DNAH8: variants seen among roughly 807,000 people sequenced by gnomAD.
DNAH8 encodes the protein axonemal beta dynein heavy chain 8.
DNAH8 carries 382 observed loss-of-function variants against 562.1 expected under a neutral mutation model. The ratio of observed to expected loss-of-function variants is 0.68; its 90% CI spans 0.63 to 0.74. The LOEUF is 0.74. DNAH8 is among the 30% of genes least tolerant of loss of function. DNAH8 has a pLI of 0.00. For synonymous variants in DNAH8, 1,881 were observed against 1,919.4 expected (o/e 0.98, Z 0.52); for missense variants, 5,203 against 5,620.4 (o/e 0.93, Z 2.37).
chr6:38,738,909 T>G (rs148085136), intron 7 of DNAH8, among the ~76,000 whole-genome samples: 1 of 152,230 alleles, frequency 6.6e-6, no homozygotes, highest in Non-Finnish European at 1.5e-5. Context: ...GAAAAATCTT[T>G]GGTTACACTT....
intron 92 of DNAH8, among the ~76,000 whole-genome samples, chr6:39,028,397 C>G (rs1021093333): frequency 5.3e-5 from 8 of 152,200 alleles, no homozygotes; most frequent in Non-Finnish European, 1.2e-4. Flanking sequence ...TTGTTCTAAG[C>G]TTCTCTCTTC....
intron 10 of DNAH8, among the ~76,000 whole-genome samples, chr6:38,756,817 A>G (rs1486268553): frequency 6.6e-6 from 1 of 152,022 alleles, no homozygotes; most frequent in African/African-American, 2.4e-5. Context: ...GATGGTTTCC[A>G]GCTTCATCCA....
At chr6:38,962,127 T>C (rs1762643773) in intron 82 of DNAH8, among the ~76,000 whole-genome samples, 1 of 152,000 alleles carries the variant, frequency 6.6e-6, no homozygotes, top group Non-Finnish European at 1.5e-5. Flanking sequence ...AAAACCTTCT[T>C]AGAGACATAA....
At chr6:39,014,087 T>C (rs1221997428) in intron 91 of DNAH8, among the ~76,000 whole-genome samples, 1 of 152,242 alleles carries the variant, frequency 6.6e-6, no homozygotes, top group East Asian at 1.9e-4. Flanking sequence ...TTTGTATACA[T>C]ACATTCATTC....
At chr6:38,899,047 A>G (rs1480492513) in intron 61 of DNAH8, among the ~76,000 whole-genome samples, 2 of 152,170 alleles carry the variant, frequency 1.3e-5, no homozygotes. Flanking sequence ...CAAAACTTGT[A>G]TTTTTTTAAA....
At chr6:38,900,744 GT>G (rs1450727083) in intron 62 of DNAH8, among the ~76,000 whole-genome samples, 2 of 152,050 alleles carry the variant, frequency 1.3e-5, no homozygotes, top group East Asian at 3.9e-4. Context: ...CAGCTCACGA[GT>G]AGCTGGGATC....
intron 37 of DNAH8, 140 bp from the exon 38 acceptor site, chr6:38,850,111 A>G (rs1230487475): frequency 6.8e-6 from 5 of 736,668 alleles, no homozygotes; most frequent in African/African-American, 1.8e-5. Context: ...TTCAAATGAA[A>G]AAAAATTGTC....
Position 38,715,949 on chromosome 6 carries a change from TATATATATATA to T in DNAH8, c.-35+535_-35+545del, listed in dbSNP as rs1428019581. On this transcript the variant is annotated intron_variant, in intron 1 of 92. Transcript: ENST00000327475. ...AAATATATATATATATATATATATA[TATATATATATA>T]TTTTTTTTTTTTTTTTGAGACGGAG... Among the ~76,000 whole-genome samples, 52 of 25,314 alleles carry T rather than the reference TATATATATATA, an allele frequency of 2.1e-3. 1 individual carries two copies. The Admixed American group carries it at 0.026, about 13-fold the overall frequency. 16.6% of individuals were successfully genotyped at this position (25,314 alleles called of 152,430 possible). A position where few individuals can be genotyped will look rare whatever the true frequency, so the allele number is the denominator to read the frequency against.
At chr6:38,848,980 C>A (rs753801599) in intron 37 of DNAH8, among the ~76,000 whole-genome samples, 179 bp downstream of exon 37, 6 of 152,064 alleles carry the variant, frequency 3.9e-5, no homozygotes, top group Admixed American at 6.6e-5. Context: ...CACATCCATT[C>A]TTTTATATAT....
At chr6:38,958,555 T>A (rs1283024143) in intron 82 of DNAH8, among the ~76,000 whole-genome samples, 1 of 141,150 alleles carries the variant, frequency 7.1e-6, no homozygotes, top group Non-Finnish European at 1.5e-5. Flanking sequence ...TCTGGACAAA[T>A]ATAACCTACC....
At chr6:38,927,893 A>T (rs1041667783) in intron 74 of DNAH8, 2 of 152,352 alleles carry the variant, frequency 1.3e-5, no homozygotes, top group East Asian at 3.9e-4. Flanking sequence ...TTTAAAAACC[A>T]TCCACTGCTG....
intron 8 of DNAH8, chr6:38,744,479 G>A (rs1475077231): frequency 6.6e-6 from 1 of 151,960 alleles, no homozygotes; most frequent in Admixed American, 6.6e-5. Flanking sequence ...TAGTGAAGTT[G>A]TTCAGTTTTT....
intron 89 of DNAH8, among the ~76,000 whole-genome samples, chr6:39,009,870 G>C (rs1192488211): frequency 1.3e-5 from 2 of 152,172 alleles, no homozygotes; most frequent in Admixed American, 1.3e-4. Flanking sequence ...GATAGTTATA[G>C]TAAGGGGAGA....
At chr6:39,027,208 C>T (rs556624624) in intron 92 of DNAH8, among the ~76,000 whole-genome samples, 4 of 152,166 alleles carry the variant, frequency 2.6e-5, no homozygotes, top group African/African-American at 9.7e-5. Context: ...AGACTCCAGC[C>T]TGGGTGACAG....
chr6:38,929,492 A>C lies in DNAH8; in HGVS notation c.11119-19A>C. 1.2e-6 allele frequency: 2 copies of C among 1,601,366 alleles called. No individual in the cohort carries two copies. Among genetic ancestry groups the C allele is most frequent in the Non-Finnish European group, 1.7e-6 (2 of 1,173,888 alleles). On this transcript the variant is annotated intron_variant, in intron 74 of 92. Coordinates refer to ENST00000327475, the MANE Select transcript of DNAH8 (RefSeq NM_001206927.2). Reference sequence around the variant, plus strand: ...CATTCTTTGTAACACAGATAGACCAATGAGTTCTTTCTGTTTAGGTGACAT... The same window carrying C: ...CATTCTTTGTAACACAGATAGACCACTGAGTTCTTTCTGTTTAGGTGACAT...
At chr6:38,877,727 C>A (rs1282746722) in intron 53 of DNAH8, among the ~76,000 whole-genome samples, 1 of 152,170 alleles carries the variant, frequency 6.6e-6, no homozygotes, top group Non-Finnish European at 1.5e-5. Context: ...TTGGAGAAGA[C>A]TTCATTCATA....
intron 58 of DNAH8, among the ~76,000 whole-genome samples, chr6:38,892,956 C>T (rs1198575611): frequency 6.6e-6 from 1 of 152,192 alleles, no homozygotes; most frequent in Admixed American, 6.5e-5. Flanking sequence ...AGTGACTGCA[C>T]TTGTCCCTAT....
intron 83 of DNAH8, 65 bp from the exon 84 acceptor site, chr6:38,973,596 T>C (rs747624078): frequency 8.8e-6 from 12 of 1,357,616 alleles, no homozygotes; most frequent in African/African-American, 1.5e-5. Context: ...AGTGCACATT[T>C]TGTTTTATTA....
intron 88 of DNAH8, among the ~76,000 whole-genome samples, chr6:38,992,324 A>G (rs992219346): frequency 4.6e-5 from 7 of 152,168 alleles, no homozygotes; most frequent in African/African-American, 1.7e-4. Flanking sequence ...CCACTAAACC[A>G]TAAGTTCCAC....
Sources: gnomAD v4.1 joint callset for allele counts (sites outside exome capture counted in the v4.1 genomes callset) on GRCh38, gnomAD v4.1.1 for gene constraint, MANE v1.5 for transcripts, NCBI Gene and HGNC (gene_info 2026-07-23, HGNC 2026-07-21) for gene names.